SLC50A1: variants seen among roughly 807,000 people sequenced by gnomAD.
SLC50A1 encodes the protein sugar transporter SWEET1.
A neutral mutation model predicts 28.9 loss-of-function variants in SLC50A1; 22 were observed. That is an observed-to-expected ratio of 0.76 (90% CI 0.54 to 1.09). The LOEUF is 1.09. SLC50A1 is among the 50% of genes least tolerant of loss of function. The probability of loss-of-function intolerance (pLI) is 0.00; values close to 1 mark genes in which losing one functional copy is unlikely to be tolerated. For missense variants in SLC50A1, 233 were observed against 273.4 expected, an observed-to-expected ratio of 0.85 and a Z score of 1.04; for synonymous variants, 96 against 110.6, an observed-to-expected ratio of 0.87 and a Z score of 0.83.
chr1:155,138,344 C>T lies in SLC50A1; in HGVS notation c.*63C>T. The stretch of plus-strand genomic sequence containing the variant: ...CTGAACCAAAGAGACCTCCTTGTTT[C>T]AGCTGGGCCTGCTGTCCAGCTTCCC... On this transcript the variant is annotated 3_prime_UTR_variant, in exon 6 of 6. Transcript: ENST00000368404. 1.3e-6 allele frequency: 2 copies of T among 1,512,180 alleles called. No homozygotes were observed. Among genetic ancestry groups the T allele is most frequent in the Non-Finnish European group, 1.8e-6 (2 of 1,099,278 alleles). 93.7% of individuals were successfully genotyped at this position (1,512,180 alleles called of 1,614,324 possible).
intron 4 of SLC50A1, 83 bp from the exon 5 acceptor site, chr1:155,137,896 G>T: frequency 6.2e-7 from 1 of 1,607,740 alleles, no homozygotes; most frequent in Non-Finnish European, 8.5e-7. Context: ...GAGGGTGTCT[G>T]ACCTTTTTCT....
At chr1:155,135,676 A>T, upstream of SLC50A1, 1 of 1,550,354 alleles carries the variant, frequency 6.5e-7, no homozygotes, top group Non-Finnish European at 8.7e-7. Flanking sequence ...CGGGACATGG[A>T]AGAGGTCTGG....
At chr1:155,136,721 C>T (rs1242870636) in intron 2 of SLC50A1, 107 bp from the exon 3 acceptor site, 6 of 1,458,598 alleles carry the variant, frequency 4.1e-6, no homozygotes, top group South Asian at 2.5e-5. Flanking sequence ...CCAGCCTGGG[C>T]GACAGAGCGA....
intron 2 of SLC50A1, 106 bp downstream of exon 2, chr1:155,136,482 G>A: frequency 2.9e-6 from 3 of 1,049,630 alleles, no homozygotes; most frequent in Non-Finnish European, 2.9e-6. Flanking sequence ...GGTGGCTCAC[G>A]CCTGTAATCC....
In SLC50A1 at chr1:155,136,316, T is replaced by G; in HGVS notation, c.98T>G (p.Met33Arg). The G allele has an allele frequency of 1.2e-6, 2 of 1,603,258 alleles. No individual in the cohort carries two copies. Residue 33 changes from methionine (M) to arginine (R), a missense_variant, in exon 2 of 6, where the codon ATG (methionine) becomes AGG (arginine). Met to Arg is a moderately conservative substitution (Grantham distance 91, BLOSUM62 -1). Transcript: ENST00000368404. ...FSAGLSDLRHMRMTRSVDNVQ... is the reference protein window; with the variant it reads ...FSAGLSDLRHRRMTRSVDNVQ... ...CATTACAGCTCGGACCTCAGGCACA[T>G]GCGAATGACCCGGAGTGTGGACAAC...
chr1:155,137,283 G>T (rs528766365), intron 3 of SLC50A1, among the ~76,000 whole-genome samples: 1 of 152,218 alleles, frequency 6.6e-6, no homozygotes, highest in Admixed American at 6.5e-5. Context: ...TTAGCTCTGC[G>T]TCCCTGCTAA....
Position 155,137,678 on chromosome 1 carries a change from A to G in SLC50A1, c.400A>G (p.Ser134Gly), listed in dbSNP as rs1243085598. Reference sequence around the variant, plus strand: ...GCTTCAGCAGTTGGGCCTCTTCTGCAGTGTCTTCACCATCAGCATGTACCT... The same window carrying G: ...GCTTCAGCAGTTGGGCCTCTTCTGCGGTGTCTTCACCATCAGCATGTACCT... ...ARLQQLGLFC[S>G]VFTISMYLSP... is the part of the protein sequence containing the mutation. The change falls in exon 4 of 6, where the codon AGT becomes GGT. Residue 134 changes from serine (S) to glycine (G), a missense_variant. Transcript: ENST00000368404. 2 of 1,614,124 alleles carry G rather than the reference A, an allele frequency of 1.2e-6. No homozygotes were observed. Among genetic ancestry groups the G allele is most frequent in the Non-Finnish European group, 1.7e-6 (2 of 1,180,014 alleles).
chr1:155,138,109 C>G lies in SLC50A1; in HGVS notation c.564+11C>G, dbSNP rs765225119. 3 of 1,614,176 alleles carry G rather than the reference C, an allele frequency of 1.9e-6. No individual in the cohort carries two copies. Among genetic ancestry groups the G allele is most frequent in the Non-Finnish European group, 2.5e-6 (3 of 1,180,030 alleles). On this transcript the variant is annotated intron_variant, in intron 5 of 5. Transcript: ENST00000368404. ...GATCCCTATATCATGGTAAGCACAA[C>G]TGGGATGGGGTGACAGGGGTGCAAG...
chr1:155,135,541 C>G (rs931859366), upstream of SLC50A1: 9 of 1,492,588 alleles, frequency 6.0e-6, no homozygotes, highest in Middle Eastern at 1.0e-3. Context: ...CCGCCGAAGG[C>G]GCACAGGCCT....
chr1:155,137,992 A>C lies in SLC50A1; in HGVS notation c.458A>C (p.Gln153Pro). The C allele has an allele frequency of 6.2e-7, 1 of 1,614,104 alleles. No homozygotes were observed. Among genetic ancestry groups the C allele is most frequent in the Non-Finnish European group, 8.5e-7 (1 of 1,180,026 alleles). ...SPLADLAKVI[Q>P]TKSTQCLSYP... The stretch of plus-strand genomic sequence containing the variant: ...TCTTTCCCACAGGCTAAGGTGATTC[A>C]AACTAAATCAACCCAATGTCTCTCC... The change falls in exon 5 of 6, where the codon CAA becomes CCA. Residue 153 changes from glutamine to proline, a missense_variant. By Grantham distance (76) the Gln-to-Pro change is moderately conservative. Coordinates refer to ENST00000368404, the MANE Select transcript of SLC50A1 (RefSeq NM_018845.4).
rs1445288548 is a variant in SLC50A1 at position 155,138,289 on chromosome 1, C to T, written c.*8C>T. 1.2e-6 allele frequency: 2 copies of T among 1,613,318 alleles called. No individual in the cohort carries two copies. The highest frequency in any genetic ancestry group is 2.2e-5 in the East Asian group (1 of 44,886). On this transcript the variant is annotated 3_prime_UTR_variant, in exon 6 of 6. Transcript: ENST00000368404. ...TGGCTCCTGCAAACCTGAGGCTGCT[C>T]ATCTGACCACTGGGCACCTTAGTGC...
chr1:155,136,769 T>G, intron 2 of SLC50A1, 59 bp from the exon 3 acceptor site: 1 of 1,600,278 alleles, frequency 6.2e-7, no homozygotes, highest in Non-Finnish European at 8.5e-7. Context: ...TGAAAGACCC[T>G]TTGGGTCCTC....
chr1:155,136,421 A>G, intron 2 of SLC50A1, 45 bp downstream of exon 2: 1 of 1,178,480 alleles, frequency 8.5e-7, no homozygotes, highest in Admixed American at 1.8e-5. Context: ...TACCAGAGGG[A>G]GGTGGGGGCG....
rs771932501 is a variant in SLC50A1 at position 155,136,383 on chromosome 1, G to A, written c.158+7G>A. On this transcript the variant is annotated splice_region_variant and intron_variant, in intron 2 of 5. Coordinates refer to ENST00000368404, the MANE Select transcript of SLC50A1 (RefSeq NM_018845.4). The stretch of plus-strand genomic sequence containing the variant: ...TTCTCACCACGGAAGTCAAGTGAGG[G>A]GCCGACGGCTGCGGTAGTGGGAAAG... 2 of 1,610,610 alleles carry A rather than the reference G, an allele frequency of 1.2e-6. No homozygotes were observed. The highest frequency in any genetic ancestry group is 1.7e-5 in the Admixed American group (1 of 59,574).
chr1:155,136,774 G>A, intron 2 of SLC50A1, 54 bp from the exon 3 acceptor site: 1 of 1,605,868 alleles, frequency 6.2e-7, no homozygotes, highest in Admixed American at 1.7e-5. Context: ...GACCCTTTGG[G>A]TCCTCCTCTC....
chr1:155,136,396 G>C lies in SLC50A1; in HGVS notation c.158+20G>C, dbSNP rs569969900. 3 of 1,607,514 alleles carry C rather than the reference G, an allele frequency of 1.9e-6. No homozygotes were observed. The highest frequency in any genetic ancestry group is 2.6e-6 in the Non-Finnish European group (3 of 1,176,312). ...AGTCAAGTGAGGGGCCGACGGCTGC[G>C]GTAGTGGGAAAGGCTACCAGAGGGA... On this transcript the variant is annotated intron_variant, in intron 2 of 5. Transcript: ENST00000368404.
Position 155,135,876 on chromosome 1 carries a change from G to A in SLC50A1, c.-36G>A, listed in dbSNP as rs751581960. On this transcript the variant is annotated 5_prime_UTR_variant, in exon 1 of 6. Transcript: ENST00000368404. ...TAGGTCCCGGCAACCGCAGGCTCGCGGCGGGCGCTGGGCGCGGGATCCGAC... is the reference window on the plus strand; with the variant it reads ...TAGGTCCCGGCAACCGCAGGCTCGCAGCGGGCGCTGGGCGCGGGATCCGAC... The A allele has an allele frequency of 6.3e-7, 1 of 1,598,164 alleles. No individual in the cohort carries two copies. Among genetic ancestry groups the A allele is most frequent in the Non-Finnish European group, 8.5e-7 (1 of 1,174,106 alleles).
At chr1:155,136,432 G>C (rs1261528729) in intron 2 of SLC50A1, 56 bp downstream of exon 2, 3 of 1,513,466 alleles carry the variant, frequency 2.0e-6, no homozygotes. Flanking sequence ...GGTGGGGGCG[G>C]GGCAGGAGGA....
At chr1:155,136,991 C>T in intron 3 of SLC50A1, 40 bp downstream of exon 3, 1 of 1,601,548 alleles carries the variant, frequency 6.2e-7, no homozygotes, top group Admixed American at 1.7e-5. Flanking sequence ...TGCTGCACGC[C>T]CTGCCTTGCT....
Sources: gnomAD v4.1 joint callset for allele counts (sites outside exome capture counted in the v4.1 genomes callset) on GRCh38, gnomAD v4.1.1 for gene constraint, MANE v1.5 for transcripts, NCBI Gene and HGNC (gene_info 2026-07-23, HGNC 2026-07-21) for gene names.